Variants in TPH1 observed in about 807,000 individuals in gnomAD.
The protein encoded by TPH1 is tryptophan 5-hydroxylase 1.
TPH1 carries 37 observed loss-of-function variants against 49.5 expected under a neutral mutation model. The ratio of observed to expected loss-of-function variants is 0.75; its 90% CI spans 0.58 to 0.98. The LOEUF (loss-of-function observed/expected upper bound fraction) is 0.98. Ranked by LOEUF, TPH1 falls within the 50% of genes least tolerant of loss-of-function variation. The probability of loss-of-function intolerance (pLI) is 0.00; values close to 1 mark genes in which losing one functional copy is unlikely to be tolerated. For missense variants in TPH1, 487 were observed against 523.6 expected (o/e 0.93, Z 0.68); for synonymous variants, 160 against 182.1 (o/e 0.88, Z 0.98).
Position 18,029,383 on chromosome 11 carries a change from G to A in TPH1, c.471-22C>T, listed in dbSNP as rs577654520. ...TCCACTAATGAGATAAAGGGAAGGA[G>A]TTGTTTTGAATTAGCATTTAATAAA... On this transcript the variant is annotated intron_variant, in intron 5 of 10. Transcript: ENST00000682019. 6.8e-6 allele frequency: 11 copies of A among 1,608,436 alleles called. No homozygotes were observed. The African/African-American group carries it at 1.3e-4, about 20-fold the overall frequency.
In TPH1 at chr11:18,022,794, G is replaced by A. The variant is rs756412874; in HGVS notation, c.1160+4C>T. 7 of 1,612,714 alleles carry A rather than the reference G, an allele frequency of 4.3e-6. No homozygotes were observed. The highest frequency in any genetic ancestry group is 2.2e-5 in the East Asian group (1 of 44,824). ...AATGAAGGCGTGAAGAAGATATACTGTACCTCATCTTCTCCTTTGCATCTT... is the reference window on the plus strand; with the variant it reads ...AATGAAGGCGTGAAGAAGATATACTATACCTCATCTTCTCCTTTGCATCTT... On this transcript the variant is annotated splice_donor_region_variant and intron_variant, in intron 10 of 10. Coordinates refer to ENST00000682019, the MANE Select transcript of TPH1 (RefSeq NM_004179.3).
intron 8 of TPH1, among the ~76,000 whole-genome samples, chr11:18,024,366 AACTAAGAAAAGTAGCATTGTTTC>A (rs1854397140): frequency 6.6e-6 from 1 of 152,212 alleles, no homozygotes; most frequent in South Asian, 2.1e-4. Context: ...CAAAACAAAA[AACTAAGAAAAGTAGCATTGTTTC>A]ACAATGTTAT....
At chr11:18,043,392 G>C (rs654734) in intron 1 of TPH1, among the ~76,000 whole-genome samples, 1 of 151,982 alleles carries the variant, frequency 6.6e-6, no homozygotes, top group East Asian at 1.9e-4. Context: ...ATCACTTGAG[G>C]TCAGGAGTTG....
At chr11:18,037,034 A>G (rs1309373644) in intron 2 of TPH1, among the ~76,000 whole-genome samples, 1 of 152,138 alleles carries the variant, frequency 6.6e-6, no homozygotes, top group Non-Finnish European at 1.5e-5. Context: ...AGTTTCATGG[A>G]GCAGGTGGGA....
intron 10 of TPH1, among the ~76,000 whole-genome samples, chr11:18,021,431 G>T (rs1468234154): frequency 6.6e-6 from 1 of 152,172 alleles, no homozygotes; most frequent in Non-Finnish European, 1.5e-5. Flanking sequence ...ACTAGGGAAA[G>T]ATCCCATAGA....
intron 6 of TPH1, among the ~76,000 whole-genome samples, chr11:18,028,350 T>A (rs60391629): frequency 0.026 from 3,928 of 152,314 alleles, 147 homozygotes; most frequent in African/African-American, 0.09. Flanking sequence ...AAATAATGGG[T>A]GTGGAGCTTT....
rs1022019523 is a variant in TPH1 at position 18,019,823 on chromosome 11, C to T, written c.*1168G>A. The T allele has an allele frequency of 4.5e-6, 2 of 446,292 alleles. No homozygotes were observed. The highest frequency in any genetic ancestry group is 9.0e-6 in the Non-Finnish European group (2 of 222,256). 27.6% of individuals were successfully genotyped at this position (446,292 alleles called of 1,614,324 possible). On this transcript the variant is annotated 3_prime_UTR_variant, in exon 11 of 11. Transcript: ENST00000682019. ...CACCCATTTATAACAGGACTGCTTA[C>T]TCCCTGTGCTACACAGCTGACTCTG...
Position 18,025,572 on chromosome 11 carries a change from T to C in TPH1, c.930+3A>G. 2 of 1,613,810 alleles carry C rather than the reference T, an allele frequency of 1.2e-6. No homozygotes were observed. Among genetic ancestry groups the C allele is most frequent in the Non-Finnish European group, 1.7e-6 (2 of 1,179,704 alleles). On this transcript the variant is annotated splice_donor_region_variant and intron_variant, in intron 8 of 10. Transcript: ENST00000682019. ...GAAAATATAGCTAATTCCAGATTTA[T>C]ACCGTTGCCAGTTTTTGAACAGCCT...
intron 2 of TPH1, among the ~76,000 whole-genome samples, chr11:18,037,768 T>G (rs980430754): frequency 2.6e-5 from 4 of 152,162 alleles, no homozygotes; most frequent in African/African-American, 9.7e-5. Context: ...TCAGATAAAG[T>G]AGAAGTAGTA....
At chr11:18,023,568 A>G (rs1854388655) in intron 9 of TPH1, among the ~76,000 whole-genome samples, 1 of 152,062 alleles carries the variant, frequency 6.6e-6, no homozygotes, top group Admixed American at 6.6e-5. Flanking sequence ...GCTCCAACCT[A>G]CAATTCCAAA....
At chr11:18,041,747 A>G (rs1848100094) in intron 1 of TPH1, among the ~76,000 whole-genome samples, 1 of 152,236 alleles carries the variant, frequency 6.6e-6, no homozygotes, top group African/African-American at 2.4e-5. Flanking sequence ...CTAGAACTAA[A>G]AACAATTTCT....
At chr11:18,032,501 C>T (rs937309443) in intron 4 of TPH1, among the ~76,000 whole-genome samples, 3 of 150,386 alleles carry the variant, frequency 2.0e-5, no homozygotes, top group African/African-American at 7.4e-5. Flanking sequence ...AGTCTCAATT[C>T]CACCAATATG....
intron 1 of TPH1, among the ~76,000 whole-genome samples, chr11:18,045,030 T>C (rs1316786496): frequency 6.6e-6 from 1 of 152,184 alleles, no homozygotes; most frequent in African/African-American, 2.4e-5. Flanking sequence ...GACCCGACCC[T>C]TGGGAGAGGT....
At chr11:18,033,507 G>T in intron 3 of TPH1, 133 bp from the exon 4 acceptor site, 2 of 695,210 alleles carry the variant, frequency 2.9e-6, no homozygotes, top group South Asian at 3.6e-5. Context: ...ATCAAGGCAA[G>T]ATTTATATGA....
Position 18,021,155 on chromosome 11 carries a change from T to C in TPH1, c.1171A>G (p.Lys391Glu). 6.2e-7 allele frequency: 1 copy of C among 1,613,918 alleles called. No individual in the cohort carries two copies. Among genetic ancestry groups the C allele is most frequent in the Non-Finnish European group, 8.5e-7 (1 of 1,179,772 alleles). Reference protein sequence around the residue: ...DAKEKMREFTKTIKRPFGVKY... With the variant: ...DAKEKMREFTETIKRPFGVKY... ...ACTCCAAATGGACGCTTAATTGTTT[T>C]GGTAAATTCTCTATTTAAGAAAACA... Residue 391 changes from lysine (K) to glutamate (E), a missense_variant, in exon 11 of 11, where the codon AAA becomes GAA. By Grantham distance (56) the Lys-to-Glu change is moderately conservative. Transcript: ENST00000682019.
In TPH1 at chr11:18,023,936, C is replaced by G. The variant is rs1478877174; in HGVS notation, c.978G>C (p.Gln326His). 4 of 1,613,412 alleles carry G rather than the reference C, an allele frequency of 2.5e-6. No homozygotes were observed. The highest frequency in any genetic ancestry group is 3.4e-6 in the Non-Finnish European group (4 of 1,179,746). ...GTAAGCCAGCACCAAAGACTCTTAGCTGTCCATCTTGTTTACATAGACCAA... is the reference window on the plus strand; with the variant it reads ...GTAAGCCAGCACCAAAGACTCTTAGGTGTCCATCTTGTTTACATAGACCAA... ...VEFGLCKQDGQLRVFGAGLLS... is the reference protein window; with the variant it reads ...VEFGLCKQDGHLRVFGAGLLS... The change falls in exon 9 of 11, where the codon CAG becomes CAC. Residue 326 changes from glutamine (Q) to histidine (H), a missense_variant. Gln to His is a conservative substitution (Grantham distance 24). Coordinates refer to ENST00000682019, the MANE Select transcript of TPH1 (RefSeq NM_004179.3).
intron 2 of TPH1, among the ~76,000 whole-genome samples, chr11:18,040,198 TTG>T (rs1848086035): frequency 6.7e-6 from 1 of 148,924 alleles, no homozygotes; most frequent in South Asian, 2.1e-4. Context: ...AAGTAGCTAT[TTG>T]TATCTCCTCT....
At chr11:18,036,764 C>T (rs1389742217) in intron 2 of TPH1, among the ~76,000 whole-genome samples, 4 of 152,134 alleles carry the variant, frequency 2.6e-5, no homozygotes, top group Non-Finnish European at 5.9e-5. Context: ...AACATGAGCA[C>T]TAATCACCCT....
At chr11:18,029,468 T>C (rs1477271934) in intron 5 of TPH1, 44 bp downstream of exon 5, 3 of 1,567,536 alleles carry the variant, frequency 1.9e-6, no homozygotes, top group East Asian at 2.2e-5. Context: ...TATTCACTTA[T>C]TTTATTATCT....
Sources: allele counts gnomAD v4.1 joint callset (sites outside exome capture counted in the v4.1 genomes callset), GRCh38; gene constraint gnomAD v4.1.1; transcripts MANE v1.5; gene names NCBI Gene and HGNC (gene_info 2026-07-23, HGNC 2026-07-21).